The following PDE2A variants were observed in gnomAD, a reference collection of about 807,000 sequenced individuals.
PDE2A encodes the protein phosphodiesterase 2A.
PDE2A carries 53 observed loss-of-function variants against 133.6 expected under a neutral mutation model. That is an observed-to-expected ratio of 0.40 (90% CI 0.32 to 0.50). The LOEUF is 0.50. Ranked by LOEUF, PDE2A falls within the 20% of genes least tolerant of loss-of-function variation. PDE2A has a pLI of 0.73. For synonymous variants in PDE2A, 491 were observed against 490.2 expected (o/e 1.00, Z -0.02); for missense variants, 796 against 1,232.4 (o/e 0.65, Z 5.30).
intron 2 of PDE2A, chr11:72,615,125 A>G (rs775971395): frequency 2.0e-6 from 1 of 506,778 alleles, no homozygotes; most frequent in Non-Finnish European, 4.2e-6. Context: ...GCACTGTAGA[A>G]TACACCTGAG....
chr11:72,588,804 G>A lies in PDE2A; in HGVS notation c.1050C>T (p.Phe350=). The change falls in exon 13 of 31, where the codon TTC becomes TTT. Residue 350 remains phenylalanine, a synonymous_variant. Transcript: ENST00000334456. ...CTCACAAGTCTCCTTCTAGCTTGTT[G>A]AAGGCGCAGGCCAAGGCCACCACCT... ...TDQVVALACA[F]NKLEGDLFTD... is the part of the protein sequence containing the mutation. 6.2e-7 allele frequency: 1 copy of A among 1,604,588 alleles called. No individual in the cohort carries two copies. Among genetic ancestry groups the A allele is most frequent in the Non-Finnish European group, 8.5e-7 (1 of 1,173,148 alleles).
At chr11:72,609,612 G>A (rs1408250918) in intron 2 of PDE2A, among the ~76,000 whole-genome samples, 3 of 152,150 alleles carry the variant, frequency 2.0e-5, no homozygotes, top group African/African-American at 2.4e-5. Context: ...CCTGCTTCTC[G>A]CTCTATTAAC....
In PDE2A at chr11:72,629,987, T is replaced by TTC. The variant is rs758404887; in HGVS notation, c.144+12265_144+12266dup. 2.2e-3 allele frequency among the ~76,000 whole-genome samples: 328 copies of TTC among 151,234 alleles called. 4 individuals carry two copies. Among genetic ancestry groups the TTC allele is most frequent in the Non-Finnish European group, 1.5e-3 (101 of 67,700 alleles). The stretch of plus-strand genomic sequence containing the variant: ...GACTCTGTTCTGGCTGTGGGTCCAG[T>TTC]TCTCTCTCTCTCTCTCACACACACA... On this transcript the variant is annotated intron_variant, in intron 2 of 30. Transcript: ENST00000334456.
rs1233226196 is a variant in PDE2A at position 72,596,614 on chromosome 11, C to T, written c.468G>A (p.Gly156=). 1.3e-6 allele frequency: 2 copies of T among 1,514,782 alleles called. No homozygotes were observed. The highest frequency in any genetic ancestry group is 2.8e-5 in the African/African-American group (2 of 71,414). 93.8% of individuals were successfully genotyped at this position (1,514,782 alleles called of 1,614,324 possible). Residue 156 remains glycine (G), a synonymous_variant, in exon 6 of 31, where the codon GGG becomes GGA. Transcript: ENST00000334456. The part of the protein sequence containing the change: ...LVMPLADKEA[G]AVAAVILVHC... ...TTACCAAGATGACAGCTGCCACGGC[C>T]CCAGCCTCCTTGTCCGCTAGCGGCA...
chr11:72,582,964 G>A (rs2135280248), intron 20 of PDE2A, among the ~76,000 whole-genome samples: 1 of 152,244 alleles, frequency 6.6e-6, no homozygotes. Flanking sequence ...TCTCTGGTTT[G>A]GACACAGGTG....
chr11:72,590,330 G>A lies in PDE2A; in HGVS notation c.704-86C>T. ...TCAGGCGCCGCTCAGCTCCGCGCCG[G>A]GCCCGCCGCCGGCTCCCGGGATCGC... On this transcript the variant is annotated intron_variant, in intron 8 of 30. Coordinates refer to ENST00000334456, the MANE Select transcript of PDE2A (RefSeq NM_002599.5). The surrounding 1 kb of genome is among the most constrained non-coding windows in gnomAD (Gnocchi z 4.8). The A allele has an allele frequency of 6.5e-7, 1 of 1,538,666 alleles. No individual in the cohort carries two copies. Among genetic ancestry groups the A allele is most frequent in the Non-Finnish European group, 8.8e-7 (1 of 1,136,588 alleles).
intron 2 of PDE2A, among the ~76,000 whole-genome samples, chr11:72,613,750 C>T (rs1857329509): frequency 6.6e-6 from 1 of 152,104 alleles, no homozygotes; most frequent in Non-Finnish European, 1.5e-5. Context: ...GAGAAGCGCC[C>T]ACAGAATGGG....
At chr11:72,618,888 C>T (rs1307259427) in intron 2 of PDE2A, among the ~76,000 whole-genome samples, 1 of 152,210 alleles carries the variant, frequency 6.6e-6, no homozygotes, top group Non-Finnish European at 1.5e-5. Flanking sequence ...CAGCCCACCT[C>T]TCCACCCAGC....
chr11:72,630,065 G>A (rs1026525105), intron 2 of PDE2A, among the ~76,000 whole-genome samples: 1 of 152,014 alleles, frequency 6.6e-6, no homozygotes, highest in African/African-American at 2.4e-5. Context: ...TTGTTTGCTC[G>A]TCAAGGCCCC....
chr11:72,578,975 T>A lies in PDE2A; in HGVS notation c.2391A>T (p.Arg797Ser), dbSNP rs1210977225. Residue 797 changes from arginine to serine, a missense_variant, in exon 28 of 31, where the codon AGA (arginine) becomes AGT (serine). Physicochemically the swap from Arg to Ser is moderately radical, Grantham distance 110. Coordinates refer to ENST00000334456, the MANE Select transcript of PDE2A (RefSeq NM_002599.5). The surrounding 1 kb of genome is among the most constrained non-coding windows in gnomAD (Gnocchi z 4.2). ...GYDRNNKQHH[R>S]LLLCLLMTSC... ...AGGTCATGAGGAGGCAGAGGAGAAG[T>A]CTGTGGTGCTGCTTGTTGTTTCGGT... 1 of 1,613,760 alleles carries A rather than the reference T, an allele frequency of 6.2e-7. No homozygotes were observed. The highest frequency in any genetic ancestry group is 1.3e-5 in the African/African-American group (1 of 74,892).
At position 72,579,298 on chromosome 11, in the gene PDE2A, T is replaced by A. The variant is rs747623639; in HGVS notation, c.2342A>T (p.Gln781Leu). Reference sequence around the variant, plus strand: ...ACAGCAGTCACCCTCAGCCATCTTCTGGAGGTCCTTGAAGATGCGGAGATG... The same window carrying A: ...ACAGCAGTCACCCTCAGCCATCTTCAGGAGGTCCTTGAAGATGCGGAGATG... ...AHHLRIFKDL[Q>L]KMAEVGYDRN... Residue 781 changes from glutamine to leucine, a missense_variant, in exon 27 of 31, where the codon CAG becomes CTG. By Grantham distance (113) the Gln-to-Leu change is moderately radical. Transcript: ENST00000334456. 1 of 1,611,624 alleles carries A rather than the reference T, an allele frequency of 6.2e-7. No individual in the cohort carries two copies. The highest frequency in any genetic ancestry group is 1.1e-5 in the South Asian group (1 of 91,058).
In PDE2A at chr11:72,577,669, C is replaced by A. The variant is rs528406171; in HGVS notation, c.2616-75G>T. ...GGCAGCAAGAAAGACTAGGGCTACA[C>A]AACAAATAGAACTTCCACAAGGGCC... On this transcript the variant is annotated intron_variant, in intron 30 of 30. Coordinates refer to ENST00000334456, the MANE Select transcript of PDE2A (RefSeq NM_002599.5). 1.0e-5 allele frequency: 11 copies of A among 1,088,804 alleles called. No individual in the cohort carries two copies. The Admixed American group carries it at 1.1e-4, about 10-fold the overall frequency. 67.4% of individuals were successfully genotyped at this position (1,088,804 alleles called of 1,614,324 possible). A position where few individuals can be genotyped will look rare whatever the true frequency, so the allele number is the denominator to read the frequency against.
intron 12 of PDE2A, 124 bp from the exon 13 acceptor site, chr11:72,589,038 C>T: frequency 8.0e-7 from 1 of 1,251,510 alleles, no homozygotes; most frequent in Non-Finnish European, 1.1e-6. Flanking sequence ...AGCTCTGTGT[C>T]ATGGAGATGG....
rs570063771 is a variant in PDE2A, at chr11:72,590,606, G to T, written c.550-26C>A. The T allele has an allele frequency of 2.2e-6, 3 of 1,350,624 alleles. No individual in the cohort carries two copies. Among genetic ancestry groups the T allele is most frequent in the Non-Finnish European group, 2.8e-6 (3 of 1,057,060 alleles). 83.7% of individuals were successfully genotyped at this position (1,350,624 alleles called of 1,614,324 possible). On this transcript the variant is annotated intron_variant, in intron 7 of 30. Transcript: ENST00000334456. The surrounding 1 kb of genome is among the most constrained non-coding windows in gnomAD (Gnocchi z 4.8). Reference sequence around the variant, plus strand: ...CTGGGGCAGGCCGAGCGGTTAGCGCGCCGCTCGCCCCAAGCTCGCTGCGCT... The same window carrying T: ...CTGGGGCAGGCCGAGCGGTTAGCGCTCCGCTCGCCCCAAGCTCGCTGCGCT...
chr11:72,633,670 G>C (rs1330242323), intron 2 of PDE2A, among the ~76,000 whole-genome samples: 1 of 152,196 alleles, frequency 6.6e-6, no homozygotes, highest in Non-Finnish European at 1.5e-5. Context: ...AGTCCTGGAG[G>C]CCTGAGCTCT....
chr11:72,634,934 A>T (rs1328041421), intron 2 of PDE2A, among the ~76,000 whole-genome samples: 1 of 152,124 alleles, frequency 6.6e-6, no homozygotes, highest in Non-Finnish European at 1.5e-5. Context: ...GGGTTCATGC[A>T]TTTCCATGTC....
At chr11:72,581,236 TG>T in intron 23 of PDE2A, 120 bp downstream of exon 23, 2 of 1,037,636 alleles carry the variant, frequency 1.9e-6, no homozygotes, top group South Asian at 1.5e-5. Context: ...TCTAGTCCCC[TG>T]GGGCTAAGAA....
intron 2 of PDE2A, among the ~76,000 whole-genome samples, chr11:72,617,612 G>A (rs1857538527): frequency 6.6e-6 from 1 of 152,228 alleles, no homozygotes; most frequent in African/African-American, 2.4e-5. Context: ...AAACCCCAGG[G>A]GGAGGGGGAA....
intron 10 of PDE2A, 51 bp downstream of exon 10, chr11:72,589,856 G>A (rs1856153708): frequency 6.2e-7 from 1 of 1,607,796 alleles, no homozygotes; most frequent in Non-Finnish European, 8.5e-7. Flanking sequence ...TCGGAGACCC[G>A]AGTTCCTCGC....
Sources: allele counts gnomAD v4.1 joint callset (sites outside exome capture counted in the v4.1 genomes callset), GRCh38; gene constraint gnomAD v4.1.1; non-coding constraint Gnocchi (gnomAD v3.1); transcripts MANE v1.5; gene names NCBI Gene and HGNC (gene_info 2026-07-23, HGNC 2026-07-21).